Variants in TNS2 observed in about 807,000 individuals in gnomAD.
The protein encoded by TNS2 is tensin-2.
TNS2 carries 77 observed loss-of-function variants against 155.7 expected under a neutral mutation model. That is an observed-to-expected ratio of 0.49 (90% CI 0.41 to 0.60). The LOEUF (loss-of-function observed/expected upper bound fraction) is 0.60. Among genes scored for constraint, TNS2 ranks in the 20% least tolerant of loss-of-function variants. TNS2 has a pLI of 0.00. For synonymous variants in TNS2, 726 were observed against 763.9 expected (o/e 0.95, Z 0.82); for missense variants, 1,703 against 1,868.8 (o/e 0.91, Z 1.64).
At chr12:53,061,715 A>G (rs1944390219) in intron 21 of TNS2, 100 bp from the exon 22 acceptor site, 1 of 1,536,488 alleles carries the variant, frequency 6.5e-7, no homozygotes, top group African/African-American at 1.4e-5. Context: ...CTGTCAGGGC[A>G]GAGACCATGG....
chr12:53,052,345 T>C lies in TNS2; in HGVS notation c.185-110T>C, dbSNP rs983270303. 2.9e-6 allele frequency: 4 copies of C among 1,401,414 alleles called. No homozygotes were observed. The African/African-American group carries it at 5.7e-5, about 20-fold the overall frequency. The allele number at this position is 1,401,414 out of a possible 1,614,324, so 86.8% of individuals were successfully genotyped here. Reference sequence around the variant, plus strand: ...CCCAGCCAGCCCAGTCCAGGTGGGATCTTGGAAGTCCCAGGGTCTGGTTCC... The same window carrying C: ...CCCAGCCAGCCCAGTCCAGGTGGGACCTTGGAAGTCCCAGGGTCTGGTTCC... On this transcript the variant is annotated intron_variant, in intron 2 of 28. Transcript: ENST00000314250.
Position 53,050,078 on chromosome 12 carries a change from T to TCC in TNS2, c.-107_-106dup. 6.5e-7 allele frequency: 1 copy of TCC among 1,533,912 alleles called. No homozygotes were observed. Among genetic ancestry groups the TCC allele is most frequent in the Middle Eastern group, 2.3e-4 (1 of 4,354 alleles). On this transcript the variant is annotated 5_prime_UTR_variant, in exon 1 of 29. Transcript: ENST00000314250. The surrounding 1 kb of genome is among the most constrained non-coding windows in gnomAD (Gnocchi z 4.7). ...CTCACACCAGCCAGACAGCCTACCC[T>TCC]CCGCCCAGGGGAAGCGGCTGCCTCC... is the stretch of plus-strand genomic sequence containing the variant.
chr12:53,063,568 C>T lies in TNS2; in HGVS notation c.4067C>T (p.Thr1356Ile). The T allele has an allele frequency of 6.2e-7, 1 of 1,613,892 alleles. No individual in the cohort carries two copies. The highest frequency in any genetic ancestry group is 8.5e-7 in the Non-Finnish European group (1 of 1,179,960). Residue 1356 changes from threonine (T) to isoleucine (I), a missense_variant, in exon 28 of 29, where the codon ACC becomes ATC. Transcript: ENST00000314250. The surrounding 1 kb of genome is among the most constrained non-coding windows in gnomAD (Gnocchi z 5.6). ...SSTDPQDRRW[T>I]NPDGTTSKIF... is the part of the protein sequence containing the mutation. Reference sequence around the variant, plus strand: ...ACCTTCTTCTCCTTCTGCAGATGGACCAACCCAGACGGGACCACCTCCAAG... The same window carrying T: ...ACCTTCTTCTCCTTCTGCAGATGGATCAACCCAGACGGGACCACCTCCAAG...
chr12:53,058,466 C>T lies in TNS2; in HGVS notation c.1225+21C>T, dbSNP rs759436926. The T allele has an allele frequency of 2.2e-5, 35 of 1,613,988 alleles. No homozygotes were observed. The Middle Eastern group carries it at 2.1e-3, about 99-fold the overall frequency. On this transcript the variant is annotated intron_variant, in intron 15 of 28. Transcript: ENST00000314250. Reference sequence around the variant, plus strand: ...GACTGGTGAGTCTGAGACAAGTGGCCTGGGGCTGGAGTCCAGGTGGCAGGC... The same window carrying T: ...GACTGGTGAGTCTGAGACAAGTGGCTTGGGGCTGGAGTCCAGGTGGCAGGC...
At chr12:53,051,774 A>G (rs1943941279) in intron 1 of TNS2, 81 bp from the exon 2 acceptor site, 2 of 1,118,956 alleles carry the variant, frequency 1.8e-6, no homozygotes, top group South Asian at 2.8e-5. Context: ...GTGCAGTGCT[A>G]AGGCAAGGCT....
At chr12:53,057,194 T>A in intron 11 of TNS2, 98 bp downstream of exon 11, 2 of 1,335,340 alleles carry the variant, frequency 1.5e-6, no homozygotes, top group Non-Finnish European at 2.1e-6. Context: ...TCACTGAGTG[T>A]GCCAAGCGCC....
At chr12:53,049,800 C>T (rs754803987), upstream of TNS2, 2 of 275,356 alleles carry the variant, frequency 7.3e-6, no homozygotes, top group African/African-American at 2.3e-5. Context: ...CCGGCCCCAC[C>T]GGGGGTGGGG....
intron 7 of TNS2, 77 bp downstream of exon 7, chr12:53,054,518 C>A: frequency 7.0e-7 from 1 of 1,430,608 alleles, no homozygotes; most frequent in South Asian, 1.5e-5. Context: ...TCACTGACGT[C>A]ACCAGCGGAG....
chr12:53,054,965 G>T (rs1944092871), intron 7 of TNS2, among the ~76,000 whole-genome samples: 1 of 149,846 alleles, frequency 6.7e-6, no homozygotes, highest in African/African-American at 2.5e-5. Flanking sequence ...TGTAATTTTA[G>T]TAGAGATGAG....
At chr12:53,061,702 C>T in intron 21 of TNS2, 113 bp from the exon 22 acceptor site, 1 of 1,516,982 alleles carries the variant, frequency 6.6e-7, no homozygotes, top group Non-Finnish European at 8.9e-7. Context: ...ACCGCCACCA[C>T]AGCTGTCAGG....
chr12:53,054,573 G>GGGCCCGGAGCGC, intron 7 of TNS2, 132 bp downstream of exon 7: 1 of 1,192,404 alleles, frequency 8.4e-7, no homozygotes, highest in Admixed American at 3.4e-5. Flanking sequence ...GGTGGGGGCG[G>GGGCCCGGAGCGC]GGCCCGGAGC....
rs111459994 is a variant in TNS2, at chr12:53,056,113, T to C, written c.761+268T>C. ...GCTCACGCCTGTAATACCAGCACTT[T>C]GGGAGGCTGAGGTGGGCAGGTCACC... On this transcript the variant is annotated intron_variant, in intron 10 of 28. Transcript: ENST00000314250. 6.4e-3 allele frequency: 2,254 copies of C among 351,558 alleles called. 54 individuals are homozygous for C. The highest frequency in any genetic ancestry group is 0.044 in the African/African-American group (2,058 of 47,148). 21.8% of individuals were successfully genotyped at this position (351,558 alleles called of 1,614,324 possible).
chr12:53,053,864 A>T (rs1324708893), intron 5 of TNS2, 52 bp downstream of exon 5: 1 of 1,613,922 alleles, frequency 6.2e-7, no homozygotes. Flanking sequence ...GGGAGTAAGG[A>T]TCTAGATTTC....
At chr12:53,062,523 TTGGCTCCCCGCCTTCCCTTG>T in intron 24 of TNS2, 70 bp downstream of exon 24, 2 of 1,608,592 alleles carry the variant, frequency 1.2e-6, no homozygotes, top group South Asian at 2.2e-5. Context: ...TCCAGAGGTC[TTGGCTCCCCGCCTTCCCTTG>T]GGGAAGCAGA....
chr12:53,057,067 G>T lies in TNS2; in HGVS notation c.816G>T (p.Val272=). 1 of 1,613,678 alleles carries T rather than the reference G, an allele frequency of 6.2e-7. No homozygotes were observed. The highest frequency in any genetic ancestry group is 1.1e-5 in the South Asian group (1 of 90,912). ...LTMRKFCEDK[V]ATELQPSQRR... ...TGCGGAAATTCTGCGAGGACAAGGT[G>T]GCCACAGAACTGCAGCCCTCCCAGC... The change falls in exon 11 of 29, where the codon GTG becomes GTT. Residue 272 remains valine, a synonymous_variant. Coordinates refer to ENST00000314250, the MANE Select transcript of TNS2 (RefSeq NM_170754.4).
chr12:53,057,667 G>A lies in TNS2; in HGVS notation c.946G>A (p.Glu316Lys). 1 of 1,614,108 alleles carries A rather than the reference G, an allele frequency of 6.2e-7. No homozygotes were observed. The highest frequency in any genetic ancestry group is 8.5e-7 in the Non-Finnish European group (1 of 1,180,000). The part of the protein sequence containing the change: ...YVLIPMLPAF[E>K]PGTGFQPFLK... ...GCTCATCCCCATGCTGCCAGCCTTT[G>A]AACCTGGCACAGGTGAGTCTGCCTG... Residue 316 changes from glutamate to lysine, a missense_variant, in exon 12 of 29, where the codon GAA becomes AAA. Physicochemically the swap from Glu to Lys is moderately conservative, Grantham distance 56. Coordinates refer to ENST00000314250, the MANE Select transcript of TNS2 (RefSeq NM_170754.4).
chr12:53,051,053 G>C (rs1430682091), intron 1 of TNS2, among the ~76,000 whole-genome samples: 4 of 152,202 alleles, frequency 2.6e-5, no homozygotes, highest in Admixed American at 2.0e-4. Context: ...GACTGAGATA[G>C]GCCTGGGCCA....
At position 53,061,842 on chromosome 12, in the gene TNS2, C is replaced by G. The variant is rs1944393615; in HGVS notation, c.3476C>G (p.Pro1159Arg). The change falls in exon 22 of 29, where the codon CCT becomes CGT. Residue 1159 changes from proline (P) to arginine (R), a missense_variant. By Grantham distance (103) the Pro-to-Arg change is moderately radical. Transcript: ENST00000314250. ...ATTGCCCTGCTGAAGGACAAGGACCCTGGGGCCTTCCTGATCAGGGACAGT... is the reference window on the plus strand; with the variant it reads ...ATTGCCCTGCTGAAGGACAAGGACCGTGGGGCCTTCCTGATCAGGGACAGT... The part of the protein sequence containing the change: ...QAIALLKDKD[P>R]GAFLIRDSHS... 4 of 1,613,754 alleles carry G rather than the reference C, an allele frequency of 2.5e-6. No individual in the cohort carries two copies. Among genetic ancestry groups the G allele is most frequent in the Non-Finnish European group, 3.4e-6 (4 of 1,179,962 alleles).
rs1007838824 is a variant in TNS2, at chr12:53,057,110, G to A, written c.845+14G>A. 1 of 1,608,088 alleles carries A rather than the reference G, an allele frequency of 6.2e-7. No individual in the cohort carries two copies. Among genetic ancestry groups the A allele is most frequent in the African/African-American group, 1.3e-5 (1 of 74,786 alleles). ...CTCCCAGCGTCGGTGAGCAGCCTGG[G>A]TGGGGATGGGCCAGAGGAGCAGCTC... is the stretch of plus-strand genomic sequence containing the variant. On this transcript the variant is annotated intron_variant, in intron 11 of 28. Coordinates refer to ENST00000314250, the MANE Select transcript of TNS2 (RefSeq NM_170754.4).
Sources: gnomAD v4.1 joint callset for allele counts (sites outside exome capture counted in the v4.1 genomes callset) on GRCh38, gnomAD v4.1.1 for gene constraint, Gnocchi (gnomAD v3.1) non-coding constraint, MANE v1.5 for transcripts, NCBI Gene and HGNC (gene_info 2026-07-23, HGNC 2026-07-21) for gene names.